The following MYH14 variants were observed in gnomAD, a reference collection of about 807,000 sequenced individuals.
The protein encoded by MYH14 is myosin-14.
A neutral mutation model predicts 255.5 loss-of-function variants in MYH14; 123 were observed. The observed-to-expected ratio is 0.48, with a 90% CI of 0.42 to 0.56. MYH14 has a LOEUF of 0.56. MYH14 is among the 20% of genes least tolerant of loss of function. The pLI, the probability that MYH14 is intolerant of heterozygous loss-of-function variation, is 0.00. For synonymous variants in MYH14, 1,095 were observed against 1,161.2 expected, an observed-to-expected ratio of 0.94 and a Z score of 1.16; for missense variants, 2,423 against 2,802.3, an observed-to-expected ratio of 0.86 and a Z score of 3.06.
At chr19:50,212,056 C>A in intron 2 of MYH14, among the ~76,000 whole-genome samples, 1 of 152,182 alleles carries the variant, frequency 6.6e-6, no homozygotes, top group East Asian at 1.9e-4. Flanking sequence ...CTATGGTAGT[C>A]TTCCCACGTC....
chr19:50,232,728 G>A (rs993698430), intron 10 of MYH14, among the ~76,000 whole-genome samples: 1 of 151,992 alleles, frequency 6.6e-6, no homozygotes, highest in Non-Finnish European at 1.5e-5. Flanking sequence ...AAGTCCTGAG[G>A]AAGTGAGGGA....
At chr19:50,297,632 G>A (rs1041185721) in intron 39 of MYH14, among the ~76,000 whole-genome samples, 2 of 150,268 alleles carry the variant, frequency 1.3e-5, no homozygotes, top group African/African-American at 4.9e-5. Flanking sequence ...CGAGTAGCTG[G>A]ATTACAGGCG....
chr19:50,301,564 A>G lies in MYH14; in HGVS notation c.5470-97A>G, dbSNP rs150534708. On this transcript the variant is annotated intron_variant, in intron 39 of 42. Coordinates refer to ENST00000642316, the MANE Select transcript of MYH14 (RefSeq NM_001145809.2). ...CAGGCTCTGTGCTATGCGTGTGACA[A>G]TCATCAGTGCACTTAATTCTCAGAG... 1.3e-4 allele frequency: 108 copies of G among 820,770 alleles called. No individual in the cohort carries two copies. In the African/African-American group the frequency reaches 1.4e-3, roughly 11 times the overall value. 50.8% of individuals were successfully genotyped at this position (820,770 alleles called of 1,614,324 possible).
intron 19 of MYH14, among the ~76,000 whole-genome samples, 196 bp from the exon 20 acceptor site, chr19:50,260,450 A>T (rs2034781299): frequency 6.6e-6 from 1 of 152,094 alleles, no homozygotes; most frequent in Non-Finnish European, 1.5e-5. Context: ...CAAAAAACTG[A>T]AACAGTCGAT....
At chr19:50,222,272 A>C (rs979138029) in intron 3 of MYH14, among the ~76,000 whole-genome samples, 3 of 152,014 alleles carry the variant, frequency 2.0e-5, no homozygotes, top group African/African-American at 7.2e-5. Flanking sequence ...CGAGGTCAGG[A>C]GATCGAGACC....
chr19:50,285,742 T>G (rs1479203670), intron 33 of MYH14: 2 of 152,238 alleles, frequency 1.3e-5, no homozygotes, highest in Non-Finnish European at 2.9e-5. Context: ...GACTGCTTGG[T>G]ACTTTTTTCA....
intron 33 of MYH14, 184 bp from the exon 34 acceptor site, chr19:50,286,298 C>T: frequency 1.7e-6 from 1 of 604,742 alleles, no homozygotes; most frequent in South Asian, 2.2e-5. Context: ...TTGATCCATT[C>T]AAGAGTTAAG....
intron 18 of MYH14, among the ~76,000 whole-genome samples, chr19:50,258,168 G>T (rs919711572): frequency 6.6e-6 from 1 of 151,942 alleles, no homozygotes; most frequent in East Asian, 2.0e-4. Flanking sequence ...GAGCTCAAGC[G>T]ATCCACCCGC....
intron 2 of MYH14, among the ~76,000 whole-genome samples, chr19:50,211,956 C>G (rs921263557): frequency 2.0e-5 from 3 of 152,110 alleles, no homozygotes; most frequent in African/African-American, 7.2e-5. Context: ...CTACTGTACT[C>G]CAGCCTGGGT....
chr19:50,216,032 T>C (rs1470727217), intron 2 of MYH14, among the ~76,000 whole-genome samples: 4 of 152,232 alleles, frequency 2.6e-5, no homozygotes, highest in Non-Finnish European at 4.4e-5. Context: ...TTTAGCTAGC[T>C]AACTTTAGAT....
chr19:50,224,445 C>A (rs1041497820), intron 6 of MYH14, among the ~76,000 whole-genome samples: 2 of 152,220 alleles, frequency 1.3e-5, no homozygotes, highest in East Asian at 3.8e-4. Context: ...ACAGATGCTG[C>A]GTGCACACAA....
Position 50,278,221 on chromosome 19 carries a change from G to C in MYH14, c.3964G>C (p.Val1322Leu), listed in dbSNP as rs372578959. Residue 1322 changes from valine (V) to leucine (L), a missense_variant, in exon 30 of 43, where the codon GTG (valine) becomes CTG (leucine). Transcript: ENST00000642316. ...CCGCCTGGAGTTACAGCTGCAGGAGGTGCAGGGCCGGGCTGGTGATGGGGA... is the reference window on the plus strand; with the variant it reads ...CCGCCTGGAGTTACAGCTGCAGGAGCTGCAGGGCCGGGCTGGTGATGGGGA... ...RRRLELQLQE[V>L]QGRAGDGERA... is the part of the protein sequence containing the mutation. 1 of 1,604,186 alleles carries C rather than the reference G, an allele frequency of 6.2e-7. No individual in the cohort carries two copies. Among genetic ancestry groups the C allele is most frequent in the African/African-American group, 1.3e-5 (1 of 74,760 alleles).
chr19:50,262,092 C>T (rs1008987263), intron 21 of MYH14, among the ~76,000 whole-genome samples: 5 of 152,044 alleles, frequency 3.3e-5, no homozygotes, highest in African/African-American at 9.7e-5. Context: ...GCAAGGAGGC[C>T]CTGCTGCAGG....
At chr19:50,256,166 C>T (rs141753424) in intron 17 of MYH14, among the ~76,000 whole-genome samples, 314 of 152,102 alleles carry the variant, frequency 2.1e-3, no homozygotes, top group African/African-American at 6.9e-3. Flanking sequence ...GTAGTCCAAA[C>T]TACTTGGGAG....
At chr19:50,285,471 A>G (rs2035862501) in intron 33 of MYH14, 1 of 152,140 alleles carries the variant, frequency 6.6e-6, no homozygotes, top group African/African-American at 2.4e-5. Context: ...ATTTCTAAGT[A>G]TTTCATGGTT....
At chr19:50,261,437 C>A (rs776129627) in intron 20 of MYH14, 38 bp from the exon 21 acceptor site, 32 of 934,392 alleles carry the variant, frequency 3.4e-5, no homozygotes, top group East Asian at 4.5e-5. Context: ...TCCCCCATCA[C>A]CCCCTCTCCG....
In MYH14 at chr19:50,221,625, C is replaced by T. The variant is rs1359152676; in HGVS notation, c.563-1458C>T. Among the ~76,000 whole-genome samples, 4 of 152,056 alleles carry T rather than the reference C, an allele frequency of 2.6e-5. No individual in the cohort carries two copies. The highest frequency in any genetic ancestry group is 5.9e-5 in the Non-Finnish European group (4 of 68,008). The stretch of plus-strand genomic sequence containing the variant: ...CTGAGTAGCTGGGGATTATAGGTGG[C>T]GCCACCATGCCTGGCTAATTTTTGT... On this transcript the variant is annotated intron_variant, in intron 3 of 42. Coordinates refer to ENST00000642316, the MANE Select transcript of MYH14 (RefSeq NM_001145809.2). This position sits in a 1 kb window ranked among gnomAD's most constrained non-coding sequence, Gnocchi z 5.3.
Position 50,271,308 on chromosome 19 carries a change from G to T in MYH14, c.3034-101G>T. 4 of 1,285,814 alleles carry T rather than the reference G, an allele frequency of 3.1e-6. No individual in the cohort carries two copies. In the South Asian group the frequency reaches 4.3e-5, roughly 14 times the overall value. The allele number at this position is 1,285,814 out of a possible 1,614,324, so 79.7% of individuals were successfully genotyped here. On this transcript the variant is annotated intron_variant, in intron 24 of 42. Transcript: ENST00000642316. ...GGGCATGGACATCTCTGAACCACAA[G>T]CCGCGGGGATCCGTGGGCCAGCCAT... is the stretch of plus-strand genomic sequence containing the variant.
rs757975398 is a variant in MYH14, at chr19:50,291,065, G to A, written c.5127+17G>A. On this transcript the variant is annotated intron_variant, in intron 36 of 42. Coordinates refer to ENST00000642316, the MANE Select transcript of MYH14 (RefSeq NM_001145809.2). ...AAGATGCAGGTAAGAGCCGGCGTGA[G>A]CTGCAGGGAGGGGAGGCTTTGGTGT... 1.2e-6 allele frequency: 2 copies of A among 1,610,910 alleles called. No homozygotes were observed. The highest frequency in any genetic ancestry group is 1.3e-5 in the African/African-American group (1 of 74,984).
Sources: allele counts gnomAD v4.1 joint callset (sites outside exome capture counted in the v4.1 genomes callset), GRCh38; gene constraint gnomAD v4.1.1; non-coding constraint Gnocchi (gnomAD v3.1); transcripts MANE v1.5; gene names NCBI Gene and HGNC (gene_info 2026-07-23, HGNC 2026-07-21).